The following GNAQ variants were observed in gnomAD, a reference collection of about 807,000 sequenced individuals.
GNAQ encodes G protein subunit alpha q.
GNAQ carries 8 observed loss-of-function variants against 43.9 expected under a neutral mutation model. The observed-to-expected ratio is 0.18, with a 90% CI of 0.11 to 0.33. The LOEUF is 0.33. Ranked by LOEUF, GNAQ falls within the 10% of genes least tolerant of loss-of-function variation. The pLI, the probability that GNAQ is intolerant of heterozygous loss-of-function variation, is 1.00. For missense variants in GNAQ, 158 were observed against 450.8 expected (o/e 0.35, Z 5.88); for synonymous variants, 155 against 170.7 (o/e 0.91, Z 0.71).
chr9:77,986,593 C>T (rs184680521), intron 1 of GNAQ, among the ~76,000 whole-genome samples: 8 of 152,226 alleles, frequency 5.3e-5, no homozygotes, highest in Admixed American at 3.9e-4. Flanking sequence ...GTAGGCTCGA[C>T]ATACTGGGCT....
intron 2 of GNAQ, among the ~76,000 whole-genome samples, chr9:77,834,434 T>G (rs141926631): frequency 2.0e-5 from 3 of 152,366 alleles, no homozygotes; most frequent in Admixed American, 1.3e-4. Context: ...GAATTGAGAT[T>G]CTATGGCTTG....
intron 4 of GNAQ, 36 bp downstream of exon 4, chr9:77,797,484 A>T (rs1826676654): frequency 6.4e-7 from 1 of 1,567,160 alleles, no homozygotes; most frequent in Non-Finnish European, 8.8e-7. Context: ...CAAGGCATAA[A>T]AGCTGGGAAA....
At chr9:77,861,602 AG>A (rs1013483556) in intron 2 of GNAQ, among the ~76,000 whole-genome samples, 5 of 152,140 alleles carry the variant, frequency 3.3e-5, no homozygotes, top group African/African-American at 1.2e-4. Context: ...GCCAAAACAA[AG>A]GGCTACAGGC....
chr9:77,990,815 T>C (rs1048850864), intron 1 of GNAQ, among the ~76,000 whole-genome samples: 2 of 152,204 alleles, frequency 1.3e-5, no homozygotes, highest in African/African-American at 2.4e-5. Flanking sequence ...AGCCAATAAA[T>C]AGCAATTTCT....
chr9:77,968,695 T>C (rs1260249016), intron 1 of GNAQ, among the ~76,000 whole-genome samples: 1 of 152,218 alleles, frequency 6.6e-6, no homozygotes, highest in Non-Finnish European at 1.5e-5. Flanking sequence ...TTCAATTACA[T>C]TTCATTCCAA....
At chr9:77,779,579 T>A (rs763779526) in intron 5 of GNAQ, among the ~76,000 whole-genome samples, 5 of 146,248 alleles carry the variant, frequency 3.4e-5, no homozygotes, top group Non-Finnish European at 7.5e-5. Flanking sequence ...TCTATGAAAT[T>A]GAAAACAGGA....
At chr9:77,795,921 T>C (rs1037257260) in intron 4 of GNAQ, among the ~76,000 whole-genome samples, 6 of 152,288 alleles carry the variant, frequency 3.9e-5, no homozygotes, top group South Asian at 2.1e-4. Context: ...AAAAACAACA[T>C]GTAATTGTAA....
intron 1 of GNAQ, among the ~76,000 whole-genome samples, chr9:78,016,325 C>T (rs891459650): frequency 5.3e-5 from 8 of 152,144 alleles, no homozygotes; most frequent in Admixed American, 5.2e-4. Context: ...CTGTTCTTTT[C>T]CCCCTTGGAG....
intron 1 of GNAQ, among the ~76,000 whole-genome samples, chr9:77,971,182 C>T (rs534800611): frequency 6.6e-6 from 1 of 152,296 alleles, no homozygotes; most frequent in Admixed American, 6.5e-5. Flanking sequence ...GGATTCACAG[C>T]CGAATTCTAC....
chr9:77,923,040 A>C (rs1039685478), intron 1 of GNAQ, among the ~76,000 whole-genome samples: 2 of 151,292 alleles, frequency 1.3e-5, no homozygotes, highest in Non-Finnish European at 2.9e-5. Flanking sequence ...AAATTTCTGT[A>C]GAGACAGGTT....
At chr9:77,767,271 C>T (rs919695021) in intron 5 of GNAQ, among the ~76,000 whole-genome samples, 2 of 152,038 alleles carry the variant, frequency 1.3e-5, no homozygotes, top group African/African-American at 4.8e-5. Flanking sequence ...GTCCTGTGTG[C>T]CGCAAGAGGT....
intron 5 of GNAQ, among the ~76,000 whole-genome samples, chr9:77,772,466 A>G (rs965064): frequency 0.55 from 83,296 of 151,986 alleles, 25,376 homozygotes; most frequent in Middle Eastern, 0.7. Context: ...CACTGGGGTC[A>G]ATATTAATTT....
At chr9:77,922,718 AG>A (rs972702585) in intron 1 of GNAQ, among the ~76,000 whole-genome samples, 1 of 152,242 alleles carries the variant, frequency 6.6e-6, no homozygotes, top group African/African-American at 2.4e-5. Context: ...AAACGCTTCC[AG>A]GACACTGGGT....
intron 1 of GNAQ, among the ~76,000 whole-genome samples, chr9:77,997,617 T>C (rs749187736): frequency 6.6e-6 from 1 of 152,152 alleles, no homozygotes; most frequent in Non-Finnish European, 1.5e-5. Context: ...CACGCCAGCC[T>C]GATTCTCTGT....
chr9:77,895,436 T>C (rs546502219), intron 2 of GNAQ, among the ~76,000 whole-genome samples: 29 of 152,146 alleles, frequency 1.9e-4, no homozygotes, highest in Middle Eastern at 3.4e-3. Context: ...CTGACTGCAG[T>C]GTTAGGCACT....
At chr9:77,969,070 A>G (rs998971991) in intron 1 of GNAQ, among the ~76,000 whole-genome samples, 42 of 152,228 alleles carry the variant, frequency 2.8e-4, no homozygotes, top group African/African-American at 9.6e-4. Context: ...AAATTAAAGC[A>G]TATTTACTCT....
At chr9:77,779,680 CAAAAAAAAAAA>C (rs58014303) in intron 5 of GNAQ, among the ~76,000 whole-genome samples, 1 of 95,942 alleles carries the variant, frequency 1.0e-5, no homozygotes, top group Non-Finnish European at 2.1e-5. Context: ...AAAAACAAAA[CAAAAAAAAAAA>C]AAAAAAAAAA....
intron 1 of GNAQ, among the ~76,000 whole-genome samples, chr9:78,010,770 C>T (rs576683364): frequency 4.0e-4 from 60 of 151,878 alleles, no homozygotes; most frequent in Non-Finnish European, 8.4e-4. Flanking sequence ...CAAACAGAAG[C>T]GGCTGAGTCT....
intron 1 of GNAQ, among the ~76,000 whole-genome samples, chr9:78,024,536 A>C (rs1198868235): frequency 1.3e-5 from 2 of 152,132 alleles, no homozygotes; most frequent in Admixed American, 6.5e-5. Context: ...AATCATCCGC[A>C]TTCCCCAGTC....
Sources: gnomAD v4.1 joint callset for allele counts (sites outside exome capture counted in the v4.1 genomes callset) on GRCh38, gnomAD v4.1.1 for gene constraint, MANE v1.5 for transcripts, NCBI Gene and HGNC (gene_info 2026-07-23, HGNC 2026-07-21) for gene names.